Variants in PCCA observed in about 807,000 individuals in gnomAD.
PCCA encodes the protein propionyl-CoA carboxylase alpha chain, mitochondrial.
PCCA carries 74 observed loss-of-function variants against 101.3 expected under a neutral mutation model. The observed-to-expected ratio is 0.73, with a 90% CI of 0.61 to 0.89. The LOEUF is 0.89. Among genes scored for constraint, PCCA ranks in the 40% least tolerant of loss-of-function variants. The pLI, the probability that PCCA is intolerant of heterozygous loss-of-function variation, is 0.00. For missense variants in PCCA, 891 were observed against 907.0 expected, an observed-to-expected ratio of 0.98 and a Z score of 0.23; for synonymous variants, 294 against 313.6, an observed-to-expected ratio of 0.94 and a Z score of 0.66.
intron 19 of PCCA, among the ~76,000 whole-genome samples, chr13:100,422,841 C>T (rs1384105876): frequency 1.3e-5 from 2 of 151,364 alleles, no homozygotes; most frequent in East Asian, 3.9e-4. Context: ...TTCTTTGAAC[C>T]TTTGTTTTTC....
intron 19 of PCCA, among the ~76,000 whole-genome samples, chr13:100,402,878 G>A (rs993993111): frequency 6.6e-6 from 1 of 152,174 alleles, no homozygotes; most frequent in Admixed American, 6.5e-5. Flanking sequence ...TAGGACTAAA[G>A]TTTAGGATAT....
chr13:100,527,551 G>A, intron 22 of PCCA, 124 bp from the exon 23 acceptor site: 1 of 727,190 alleles, frequency 1.4e-6, no homozygotes, highest in Non-Finnish European at 2.5e-6. Flanking sequence ...ATTAGAGATT[G>A]TTGCTGCTGT....
chr13:100,413,058 CA>C (rs2078149850), intron 19 of PCCA, among the ~76,000 whole-genome samples: 1 of 152,090 alleles, frequency 6.6e-6, no homozygotes. Flanking sequence ...GGCTAAAAAA[CA>C]GAATGCAAAC....
chr13:100,458,423 GCACACACACACACACATACACA>G (rs1313996252), intron 21 of PCCA, among the ~76,000 whole-genome samples: 2 of 89,634 alleles, frequency 2.2e-5, no homozygotes, highest in Non-Finnish European at 4.0e-5. Flanking sequence ...ATCTCTGCGC[GCACACACACACACACATACACA>G]CACACACACA....
At chr13:100,469,211 C>CAGAAAAAAAAAAAAAAA (rs2082776154) in intron 21 of PCCA, among the ~76,000 whole-genome samples, 1 of 65,064 alleles carries the variant, frequency 1.5e-5, no homozygotes, top group African/African-American at 5.7e-5. Context: ...AACTCCGTCT[C>CAGAAAAAAAAAAAAAAA]AAAAAAAAAA....
At chr13:100,157,149 G>A in intron 5 of PCCA, 138 bp from the exon 6 acceptor site, 1 of 623,382 alleles carries the variant, frequency 1.6e-6, no homozygotes, top group Non-Finnish European at 2.9e-6. Flanking sequence ...AGTTAGAACT[G>A]ATCAGTGTAT....
chr13:100,457,414 T>C (rs2081826029), intron 21 of PCCA, among the ~76,000 whole-genome samples: 1 of 152,122 alleles, frequency 6.6e-6, no homozygotes, highest in Non-Finnish European at 1.5e-5. Flanking sequence ...CGACATTTCA[T>C]AGATGCTGAT....
chr13:100,504,128 C>A (rs1289694285), intron 21 of PCCA, among the ~76,000 whole-genome samples: 1 of 152,170 alleles, frequency 6.6e-6, no homozygotes. Context: ...ATTTTTAACT[C>A]CATAAAATAC....
chr13:100,230,391 A>T (rs1007111523), intron 7 of PCCA, among the ~76,000 whole-genome samples: 8 of 152,094 alleles, frequency 5.3e-5, no homozygotes, highest in Admixed American at 5.2e-4. Flanking sequence ...CTTAGAATAC[A>T]AAAATTAGCC....
intron 4 of PCCA, among the ~76,000 whole-genome samples, chr13:100,146,471 A>C (rs898943555): frequency 1.3e-5 from 2 of 151,682 alleles, no homozygotes; most frequent in African/African-American, 4.8e-5. Flanking sequence ...GCTACTCAGG[A>C]GGCTGAGGCA....
chr13:100,353,817 G>A (rs1023457005), intron 18 of PCCA, among the ~76,000 whole-genome samples: 1 of 152,010 alleles, frequency 6.6e-6, no homozygotes, highest in Non-Finnish European at 1.5e-5. Flanking sequence ...GCTGCGCATG[G>A]TGGCACGTGC....
intron 16 of PCCA, among the ~76,000 whole-genome samples, chr13:100,322,885 A>G (rs926989979): frequency 1.3e-5 from 2 of 152,038 alleles, no homozygotes; most frequent in Admixed American, 6.6e-5. Context: ...CAATTTTCTC[A>G]TTTGTAAGGT....
At chr13:100,217,769 C>A (rs538909438) in intron 7 of PCCA, among the ~76,000 whole-genome samples, 4 of 145,322 alleles carry the variant, frequency 2.8e-5, no homozygotes, top group Admixed American at 7.0e-5. Context: ...GCAGGAGAAT[C>A]GCTAGAACCC....
chr13:100,511,131 A>G (rs1163298033), intron 21 of PCCA, among the ~76,000 whole-genome samples: 5 of 152,222 alleles, frequency 3.3e-5, no homozygotes, highest in African/African-American at 1.2e-4. Flanking sequence ...AGAATTTAGG[A>G]GAGTAGAACG....
intron 14 of PCCA, among the ~76,000 whole-genome samples, chr13:100,304,545 C>T (rs970196357): frequency 2.1e-4 from 32 of 152,052 alleles, no homozygotes; most frequent in African/African-American, 6.5e-4. Flanking sequence ...GTAGACATGG[C>T]GGGCTGGGAG....
At chr13:100,208,551 C>T (rs185946191) in intron 6 of PCCA, among the ~76,000 whole-genome samples, 1 of 152,260 alleles carries the variant, frequency 6.6e-6, no homozygotes, top group Admixed American at 6.5e-5. Context: ...TCAGCAAATA[C>T]CCCCATTACT....
chr13:100,445,597 C>G (rs2080770471), intron 20 of PCCA, among the ~76,000 whole-genome samples: 1 of 152,070 alleles, frequency 6.6e-6, no homozygotes, highest in African/African-American at 2.4e-5. Flanking sequence ...CCTCCCCAAC[C>G]ACCATTCTAT....
chr13:100,378,439 T>G (rs990365777), intron 19 of PCCA, among the ~76,000 whole-genome samples: 3 of 152,236 alleles, frequency 2.0e-5, no homozygotes, highest in Non-Finnish European at 4.4e-5. Context: ...TGGTTGAGGA[T>G]TTCTGGACCT....
chr13:100,307,268 T>TA lies in PCCA; in HGVS notation c.1353+10dup. On this transcript the variant is annotated intron_variant, in intron 15 of 23. Coordinates refer to ENST00000376285, the MANE Select transcript of PCCA (RefSeq NM_000282.4). ...GATCCTATGATTTCAAAAGTTAGTT[T>TA]AATTTCTCAATGGATTATTTGATTT... The TA allele has an allele frequency of 6.5e-7, 1 of 1,538,236 alleles. No individual in the cohort carries two copies. The highest frequency in any genetic ancestry group is 9.0e-7 in the Non-Finnish European group (1 of 1,111,308).
Sources: gnomAD v4.1 joint callset for allele counts (sites outside exome capture counted in the v4.1 genomes callset) on GRCh38, gnomAD v4.1.1 for gene constraint, MANE v1.5 for transcripts, NCBI Gene and HGNC (gene_info 2026-07-23, HGNC 2026-07-21) for gene names.